NSD2: variants seen among roughly 807,000 people sequenced by gnomAD.
NSD2 encodes the protein nuclear receptor binding SET domain protein 2.
In NSD2, 12 loss-of-function variants were observed where a neutral mutation model predicts 139.0. That is an observed-to-expected ratio of 0.09 (90% CI 0.06 to 0.14). The LOEUF is 0.14. NSD2 is among the 10% of genes least tolerant of loss of function. NSD2 has a pLI of 1.00. For missense variants in NSD2, 1,155 were observed against 1,745.0 expected (o/e 0.66, Z 6.02); for synonymous variants, 669 against 648.7 (o/e 1.03, Z -0.48).
chr4:1,887,717 T>TA (rs1304035733), intron 1 of NSD2: 1 of 152,226 alleles, frequency 6.6e-6, no homozygotes, highest in African/African-American at 2.4e-5. Context: ...TATAAATTGT[T>TA]ACATTGTTCA....
chr4:1,978,538 G>C, intron 21 of NSD2, 100 bp from the exon 22 acceptor site: 15 of 1,492,944 alleles, frequency 1.0e-5, no homozygotes, highest in Non-Finnish European at 1.3e-5. Context: ...ACTATTTTGT[G>C]TTCATTTGAC....
chr4:1,978,542 A>G, intron 21 of NSD2, 96 bp from the exon 22 acceptor site: 1 of 1,508,088 alleles, frequency 6.6e-7, no homozygotes, highest in Non-Finnish European at 9.0e-7. Flanking sequence ...TTTTGTGTTC[A>G]TTTGACCTGA....
chr4:1,891,886 C>CA (rs934804387), intron 1 of NSD2, among the ~76,000 whole-genome samples: 10 of 147,032 alleles, frequency 6.8e-5, no homozygotes, highest in Non-Finnish European at 1.4e-4. Context: ...AAAAAACAAA[C>CA]AAAAACGAAA....
At chr4:1,889,789 GAGC>G (rs1210464966) in intron 1 of NSD2, among the ~76,000 whole-genome samples, 1 of 152,070 alleles carries the variant, frequency 6.6e-6, no homozygotes, top group Non-Finnish European at 1.5e-5. Context: ...TTACAGGCGT[GAGC>G]CACTGTGCCC....
intron 5 of NSD2, among the ~76,000 whole-genome samples, chr4:1,921,992 G>GA (rs1720203801): frequency 6.6e-6 from 1 of 151,724 alleles, no homozygotes; most frequent in Admixed American, 6.6e-5. Flanking sequence ...TACTAGAAAT[G>GA]AAAAAATTAG....
intron 1 of NSD2, among the ~76,000 whole-genome samples, chr4:1,898,418 A>G (rs1274663994): frequency 1.3e-5 from 2 of 152,158 alleles, no homozygotes; most frequent in Admixed American, 1.3e-4. Flanking sequence ...TAATCCCAGC[A>G]CTTTGGGAGG....
At chr4:1,911,575 G>A (rs1718667729) in intron 3 of NSD2, among the ~76,000 whole-genome samples, 1 of 119,690 alleles carries the variant, frequency 8.4e-6, no homozygotes, top group Non-Finnish European at 1.6e-5. Flanking sequence ...GCGACAGAGC[G>A]AGACGCCATC....
intron 9 of NSD2, chr4:1,945,688 T>C: frequency 9.4e-7 from 1 of 1,063,414 alleles, no homozygotes; most frequent in Non-Finnish European, 1.1e-6. Flanking sequence ...GAAAAGTCCT[T>C]GGCTCGTTTG....
chr4:1,947,938 A>G (rs982647856), intron 9 of NSD2: 2 of 1,056,754 alleles, frequency 1.9e-6, no homozygotes, highest in Non-Finnish European at 2.3e-6. Context: ...ACTGCGGCTC[A>G]TACAGGTCAC....
chr4:1,964,508 G>A (rs185630679), intron 18 of NSD2, among the ~76,000 whole-genome samples: 10 of 152,276 alleles, frequency 6.6e-5, no homozygotes, highest in Admixed American at 5.9e-4. Flanking sequence ...GGAGCACCTC[G>A]CACACAGCTT....
At chr4:1,875,940 G>A (rs1714224998) in intron 1 of NSD2, among the ~76,000 whole-genome samples, 2 of 150,898 alleles carry the variant, frequency 1.3e-5, no homozygotes, top group South Asian at 4.2e-4. Context: ...TTTTGGCTGG[G>A]TGCGGTGGCT....
chr4:1,904,090 G>A (rs551440731), intron 2 of NSD2, 126 bp from the exon 3 acceptor site: 18 of 1,079,094 alleles, frequency 1.7e-5, no homozygotes, highest in South Asian at 6.5e-5. Flanking sequence ...ACACAGCAAG[G>A]GAGCACACTC....
chr4:1,942,162 T>A lies in NSD2; in HGVS notation c.1881+2384T>A. 2.3e-6 allele frequency: 3 copies of A among 1,299,148 alleles called. No homozygotes were observed. The South Asian group carries it at 6.9e-5, about 30-fold the overall frequency. The allele number at this position is 1,299,148 out of a possible 1,614,324, so 80.5% of individuals were successfully genotyped here. On this transcript the variant is annotated intron_variant, in intron 9 of 21. Transcript: ENST00000508803. The surrounding 1 kb of genome is among the most constrained non-coding windows in gnomAD (Gnocchi z 4.0). ...GGTATATGTGATAAATAAAAATTTT[T>A]ATTGGAATAATTATTACATGGTACT...
At chr4:1,904,505 T>C in intron 3 of NSD2, 127 bp downstream of exon 3, 1 of 998,720 alleles carries the variant, frequency 1.0e-6, no homozygotes, top group East Asian at 2.5e-5. Flanking sequence ...TTACCTAAAG[T>C]TAGTGATTGA....
intron 17 of NSD2, among the ~76,000 whole-genome samples, chr4:1,960,334 AG>A (rs1725241809): frequency 1.3e-5 from 2 of 152,332 alleles, no homozygotes; most frequent in South Asian, 4.1e-4. Flanking sequence ...GCTAGTAGCC[AG>A]GTGCTTGGGA....
chr4:1,872,925 CAA>C (rs1335009849), intron 1 of NSD2, among the ~76,000 whole-genome samples: 1 of 152,118 alleles, frequency 6.6e-6, no homozygotes, highest in Admixed American at 6.5e-5. Flanking sequence ...ATGAGAACAA[CAA>C]TATTTTAAAG....
intron 3 of NSD2, among the ~76,000 whole-genome samples, chr4:1,914,466 C>T (rs911609013): frequency 1.3e-5 from 2 of 152,112 alleles, no homozygotes; most frequent in Admixed American, 6.5e-5. Context: ...GCTGGGACTA[C>T]GGGCACACGC....
intron 3 of NSD2, among the ~76,000 whole-genome samples, chr4:1,910,389 C>A (rs1226230366): frequency 6.6e-6 from 1 of 151,984 alleles, no homozygotes; most frequent in South Asian, 2.1e-4. Flanking sequence ...CCACACCCGA[C>A]TAATTTTGTA....
rs1425973679 is a variant in NSD2, at chr4:1,956,963, T to C, written c.2881+775T>C. 7.2e-5 allele frequency among the ~76,000 whole-genome samples: 11 copies of C among 152,134 alleles called. No individual in the cohort carries two copies. The highest frequency in any genetic ancestry group is 1.5e-5 in the Non-Finnish European group (1 of 68,020). On this transcript the variant is annotated intron_variant, in intron 15 of 21. Coordinates refer to ENST00000508803, the MANE Select transcript of NSD2 (RefSeq NM_001042424.3). The surrounding 1 kb of genome is among the most constrained non-coding windows in gnomAD (Gnocchi z 5.3). ...GGGCATTCAGAGATCTCATAAAGAA[T>C]GGGTAGGCATTGAAAGATTTTAAAA...
Sources: allele counts gnomAD v4.1 joint callset (sites outside exome capture counted in the v4.1 genomes callset), GRCh38; gene constraint gnomAD v4.1.1; non-coding constraint Gnocchi (gnomAD v3.1); transcripts MANE v1.5; gene names NCBI Gene and HGNC (gene_info 2026-07-23, HGNC 2026-07-21).